EML6: variants seen among roughly 807,000 people sequenced by gnomAD.
EML6 encodes echinoderm microtubule-associated protein-like 6.
Under a neutral mutation model 240.1 loss-of-function variants are expected in EML6, and 154 were observed. The ratio of observed to expected loss-of-function variants is 0.64; its 90% CI spans 0.56 to 0.73. The LOEUF is 0.73. Among genes scored for constraint, EML6 ranks in the 30% least tolerant of loss-of-function variants. EML6 has a pLI of 0.00. For missense variants in EML6, 2,964 were observed against 2,474.6 expected (o/e 1.20, Z -4.20); for synonymous variants, 1,148 against 899.0 (o/e 1.28, Z -4.95).
At chr2:54,846,238 C>G (rs911415603) in intron 8 of EML6, among the ~76,000 whole-genome samples, 3 of 152,098 alleles carry the variant, frequency 2.0e-5, no homozygotes, top group African/African-American at 4.8e-5. Flanking sequence ...ATCATTTGCT[C>G]TTCTTCATCT....
rs1673150056 is a variant in EML6 at position 54,903,159 on chromosome 2, C to T, written c.3240C>T (p.His1080=). The part of the protein sequence containing the change: ...DTVEDMVSFH[H]RKEMISDIKF... ...TTGAAGACATGGTCTCTTTCCATCA[C>T]AGAAAAGAAATGATCTCTGATATTA... is the stretch of plus-strand genomic sequence containing the variant. The change falls in exon 23 of 42, where the codon CAC becomes CAT. Residue 1080 remains histidine, a synonymous_variant. Coordinates refer to ENST00000356458, the MANE Select transcript of EML6 (RefSeq NM_001039753.4). The T allele has an allele frequency of 1.9e-6, 3 of 1,551,862 alleles. No individual in the cohort carries two copies. Among genetic ancestry groups the T allele is most frequent in the Non-Finnish European group, 2.6e-6 (3 of 1,146,924 alleles).
intron 16 of EML6, among the ~76,000 whole-genome samples, chr2:54,878,282 G>A (rs916495415): frequency 1.3e-5 from 2 of 152,152 alleles, no homozygotes; most frequent in Non-Finnish European, 2.9e-5. Flanking sequence ...GGCAGAACTG[G>A]AAGAGGCAAT....
At chr2:54,875,903 G>T (rs970424312) in intron 16 of EML6, among the ~76,000 whole-genome samples, 2 of 152,156 alleles carry the variant, frequency 1.3e-5, no homozygotes, top group Non-Finnish European at 2.9e-5. Flanking sequence ...AAGCTTCGTA[G>T]AATAATACTG....
chr2:54,845,547 A>G (rs1669706137), intron 8 of EML6, among the ~76,000 whole-genome samples: 1 of 152,246 alleles, frequency 6.6e-6, no homozygotes, highest in South Asian at 2.1e-4. Flanking sequence ...TAGGAAGGCT[A>G]AAAGTCATAA....
At chr2:54,739,745 G>A (rs1424608471) in intron 2 of EML6, among the ~76,000 whole-genome samples, 1 of 152,204 alleles carries the variant, frequency 6.6e-6, no homozygotes. Flanking sequence ...GGTTAGGGAA[G>A]GCTTTCTGGA....
intron 28 of EML6, among the ~76,000 whole-genome samples, chr2:54,934,835 G>A (rs1435361327): frequency 6.6e-6 from 1 of 152,116 alleles, no homozygotes; most frequent in African/African-American, 2.4e-5. Flanking sequence ...CCAGGTGTGA[G>A]CCACCATGCC....
chr2:54,957,877 T>G lies in EML6; in HGVS notation c.4574T>G (p.Val1525Gly), dbSNP rs1454966450. The change falls in exon 33 of 42, where the codon GTC becomes GGC. Residue 1525 changes from valine (V) to glycine (G), a missense_variant. Transcript: ENST00000356458. ...RPDSDTQFVS[V>G]GVKHMKFWTL... ...GACTCAGACACGCAGTTTGTATCTG[T>G]CGGGGTCAAACATATGAAGTTCTGG... 2 of 1,551,462 alleles carry G rather than the reference T, an allele frequency of 1.3e-6. No individual in the cohort carries two copies. The highest frequency in any genetic ancestry group is 1.7e-6 in the Non-Finnish European group (2 of 1,146,998).
At chr2:54,965,689 A>G (rs975584831) in intron 38 of EML6, among the ~76,000 whole-genome samples, 1 of 152,124 alleles carries the variant, frequency 6.6e-6, no homozygotes, top group African/African-American at 2.4e-5. Flanking sequence ...GGGGGCCACA[A>G]GATCAGATGA....
intron 24 of EML6, among the ~76,000 whole-genome samples, chr2:54,908,872 G>C (rs986427235): frequency 6.6e-6 from 1 of 152,086 alleles, no homozygotes; most frequent in Non-Finnish European, 1.5e-5. Context: ...TCTGCCCGCA[G>C]AGTATAAACA....
intron 19 of EML6, among the ~76,000 whole-genome samples, chr2:54,894,605 C>A (rs1206351177): frequency 6.6e-6 from 1 of 152,030 alleles, no homozygotes; most frequent in Non-Finnish European, 1.5e-5. Context: ...TCTGTAGGAA[C>A]CACATTCTGG....
chr2:54,861,714 G>C (rs1670680913), intron 12 of EML6, among the ~76,000 whole-genome samples: 1 of 151,736 alleles, frequency 6.6e-6, no homozygotes, highest in African/African-American at 2.4e-5. Flanking sequence ...CAGTCAGATT[G>C]GTGAGATCCT....
intron 26 of EML6, among the ~76,000 whole-genome samples, chr2:54,917,174 A>G (rs1673961923): frequency 6.6e-6 from 1 of 152,132 alleles, no homozygotes; most frequent in African/African-American, 2.4e-5. Flanking sequence ...ACATCTCACA[A>G]ACTGCAAAGT....
In EML6 at chr2:54,804,662, T is replaced by G. The variant is rs1670373037; in HGVS notation, c.198-8570T>G. Among the ~76,000 whole-genome samples the G allele has an allele frequency of 2.0e-5, 3 of 152,356 alleles. No individual in the cohort carries two copies. In the South Asian group the frequency reaches 6.2e-4, roughly 32 times the overall value. Reference sequence around the variant, plus strand: ...TCACTTTTGTTTTAATCTTTGTATTTGTATCAGAACAATGGAGACACAAAA... The same window carrying G: ...TCACTTTTGTTTTAATCTTTGTATTGGTATCAGAACAATGGAGACACAAAA... On this transcript the variant is annotated intron_variant, in intron 2 of 41. Coordinates refer to ENST00000356458, the MANE Select transcript of EML6 (RefSeq NM_001039753.4).
At chr2:54,799,611 G>A (rs932472994) in intron 2 of EML6, among the ~76,000 whole-genome samples, 11 of 152,188 alleles carry the variant, frequency 7.2e-5, no homozygotes, top group African/African-American at 2.7e-4. Context: ...CCAAAGTGCT[G>A]GGATTAAGGG....
intron 39 of EML6, 27 bp downstream of exon 39, chr2:54,967,130 G>A (rs1319600049): frequency 6.8e-7 from 1 of 1,463,012 alleles, no homozygotes; most frequent in East Asian, 2.5e-5. Context: ...AAAAACTTGA[G>A]GAAAAGGTCA....
chr2:54,754,149 T>TC (rs995523859), intron 2 of EML6, among the ~76,000 whole-genome samples: 1 of 151,736 alleles, frequency 6.6e-6, no homozygotes, highest in Non-Finnish European at 1.5e-5. Context: ...AAAAAAATTT[T>TC]TTTTTTTTTT....
intron 2 of EML6, among the ~76,000 whole-genome samples, chr2:54,773,613 T>C (rs1426308613): frequency 6.6e-6 from 1 of 152,262 alleles, no homozygotes; most frequent in Non-Finnish European, 1.5e-5. Flanking sequence ...AAAACATCAC[T>C]AGGCAATTAT....
intron 28 of EML6, among the ~76,000 whole-genome samples, chr2:54,928,971 G>C (rs1674711624): frequency 6.6e-6 from 1 of 152,184 alleles, no homozygotes; most frequent in African/African-American, 2.4e-5. Flanking sequence ...AGTTGGTTAT[G>C]GAATGTGACT....
intron 2 of EML6, among the ~76,000 whole-genome samples, chr2:54,738,583 C>T (rs1683500243): frequency 6.6e-6 from 1 of 152,218 alleles, no homozygotes; most frequent in Non-Finnish European, 1.5e-5. Flanking sequence ...ACAATCCCCA[C>T]TGCAAAGGTG....
Sources: gnomAD v4.1 joint callset for allele counts (sites outside exome capture counted in the v4.1 genomes callset) on GRCh38, gnomAD v4.1.1 for gene constraint, MANE v1.5 for transcripts, NCBI Gene and HGNC (gene_info 2026-07-23, HGNC 2026-07-21) for gene names.